The following IL7 variants were observed in gnomAD, a reference collection of about 807,000 sequenced individuals.
IL7 encodes the protein interleukin 7.
In IL7, 3 loss-of-function variants were observed where a neutral mutation model predicts 21.6. The observed-to-expected ratio is 0.14, with a 90% CI of 0.06 to 0.36. IL7 has a LOEUF of 0.36. Ranked by LOEUF, IL7 falls within the 10% of genes least tolerant of loss-of-function variation. The pLI, the probability that IL7 is intolerant of heterozygous loss-of-function variation, is 1.00. For synonymous variants in IL7, 62 were observed against 68.1 expected, an observed-to-expected ratio of 0.91 and a Z score of 0.44; for missense variants, 175 against 200.2, an observed-to-expected ratio of 0.87 and a Z score of 0.76.
At chr8:78,717,834 G>C (rs1236957392), downstream of IL7, 1 of 164,024 alleles carries the variant, frequency 6.1e-6, no homozygotes, top group Non-Finnish European at 1.3e-5. Context: ...ATACTCTAGT[G>C]CTTAGCCCTT....
chr8:78,728,776 A>G (rs1811376256), downstream of IL7, among the ~76,000 whole-genome samples: 1 of 151,926 alleles, frequency 6.6e-6, no homozygotes, highest in Non-Finnish European at 1.5e-5. Context: ...CAGACCAGGG[A>G]TGTCACTAAA....
At position 78,736,520 on chromosome 8, in the gene IL7, C is replaced by T. The variant is rs1563413800; in HGVS notation, c.368G>A (p.Gly123Glu). ...ILLNCTGQVK[G>E]RKPAALGEAQ... ...TTCACCCAGGGCAGCTGGTTTTCTTCCTTTAACCTTAAAAACAAAGTCACA... is the reference window on the plus strand; with the variant it reads ...TTCACCCAGGGCAGCTGGTTTTCTTTCTTTAACCTTAAAAACAAAGTCACA... Residue 123 changes from glycine to glutamate, a missense_variant, in exon 5 of 6, where the codon GGA (glycine) becomes GAA (glutamate). Coordinates refer to ENST00000263851, the MANE Select transcript of IL7 (RefSeq NM_000880.4). The T allele has an allele frequency of 6.3e-7, 1 of 1,595,122 alleles. No individual in the cohort carries two copies.
chr8:78,737,140 A>G (rs1401396088), intron 4 of IL7, among the ~76,000 whole-genome samples: 1 of 152,146 alleles, frequency 6.6e-6, no homozygotes, highest in Non-Finnish European at 1.5e-5. Context: ...GATCCATATA[A>G]AGCTCAATAC....
chr8:78,686,617 A>G, intron 3 of IL7: 1 of 1,468,280 alleles, frequency 6.8e-7, no homozygotes, highest in South Asian at 1.6e-5. Flanking sequence ...TGGTATTTGG[A>G]ATATTGTTGA....
chr8:78,687,532 ATATT>A (rs1005924231), intron 3 of IL7, among the ~76,000 whole-genome samples: 4 of 143,976 alleles, frequency 2.8e-5, no homozygotes, highest in East Asian at 3.9e-4. Flanking sequence ...AATAAATTAT[ATATT>A]TATATAATAA....
intron 3 of IL7, among the ~76,000 whole-genome samples, chr8:78,699,454 A>C (rs541777399): frequency 2.0e-5 from 3 of 152,088 alleles, no homozygotes; most frequent in African/African-American, 7.2e-5. Flanking sequence ...TACAGCACAC[A>C]TTATTTTCTT....
At chr8:78,751,445 C>T (rs1182579170) in intron 2 of IL7, among the ~76,000 whole-genome samples, 1 of 152,028 alleles carries the variant, frequency 6.6e-6, no homozygotes, top group Non-Finnish European at 1.5e-5. Flanking sequence ...CTCAGACAAA[C>T]AAAAATTGAG....
chr8:78,687,514 A>G (rs1004371806), intron 3 of IL7, among the ~76,000 whole-genome samples: 6 of 142,414 alleles, frequency 4.2e-5, no homozygotes, highest in Admixed American at 1.4e-4. Context: ...AATTATATAT[A>G]TTTATATAAT....
intron 3 of IL7, among the ~76,000 whole-genome samples, chr8:78,708,713 TC>T (rs1810862698): frequency 6.7e-6 from 1 of 150,348 alleles, no homozygotes; most frequent in East Asian, 2.0e-4. Flanking sequence ...GGAGTTTTGC[TC>T]TTGTTGCCCA....
intron 3 of IL7, chr8:78,712,071 T>A: frequency 7.8e-7 from 1 of 1,289,598 alleles, no homozygotes; most frequent in Non-Finnish European, 1.0e-6. Flanking sequence ...AATCAGACAG[T>A]GCCATCAAAA....
chr8:78,712,236 G>A (rs1810974866), intron 3 of IL7: 2 of 396,182 alleles, frequency 5.0e-6, no homozygotes, highest in South Asian at 2.4e-5. Flanking sequence ...AAGCCAAAAT[G>A]TGTCAAATAA....
chr8:78,761,016 A>C, intron 2 of IL7: 2 of 1,611,942 alleles, frequency 1.2e-6, no homozygotes, highest in Non-Finnish European at 1.7e-6. Flanking sequence ...ACTGCACTGC[A>C]GAGTACAAAT....
chr8:78,796,101 T>C (rs1433405519), intron 2 of IL7, among the ~76,000 whole-genome samples: 2 of 152,072 alleles, frequency 1.3e-5, no homozygotes, highest in African/African-American at 2.4e-5. Context: ...ATCAATCACA[T>C]TGTATTGATA....
At chr8:78,772,539 A>G (rs1227644841) in intron 2 of IL7, among the ~76,000 whole-genome samples, 8 of 152,162 alleles carry the variant, frequency 5.3e-5, no homozygotes, top group Admixed American at 5.2e-4. Context: ...TTGACCTTAA[A>G]TGGCACAGTA....
chr8:78,771,701 A>G (rs1812960292), intron 2 of IL7, among the ~76,000 whole-genome samples: 1 of 152,150 alleles, frequency 6.6e-6, no homozygotes, highest in Admixed American at 6.5e-5. Flanking sequence ...TCTACTAATT[A>G]TACATGAAAG....
At position 78,805,365 on chromosome 8, in the gene IL7, T is replaced by G. The variant is rs1258744376; in HGVS notation, c.-443A>C. 1 of 157,038 alleles carries G rather than the reference T, an allele frequency of 6.4e-6. No homozygotes were observed. The highest frequency in any genetic ancestry group is 1.4e-5 in the Non-Finnish European group (1 of 71,188). The allele number at this position is 157,038 out of a possible 1,614,324, so 9.7% of individuals were successfully genotyped here. On this transcript the variant is annotated 5_prime_UTR_variant, in exon 1 of 6. Transcript: ENST00000263851. ...TGGCCTGAATCAAAGCAATTCTGGG[T>G]AAAAGACTTCCCAGATGATCTCTCA... is the stretch of plus-strand genomic sequence containing the variant.
chr8:78,782,819 G>A (rs998341119), intron 2 of IL7, among the ~76,000 whole-genome samples: 8 of 152,064 alleles, frequency 5.3e-5, no homozygotes, highest in Non-Finnish European at 1.0e-4. Flanking sequence ...GACAACAGCC[G>A]CTCCTCCCCC....
intron 2 of IL7, among the ~76,000 whole-genome samples, chr8:78,786,817 C>A (rs1426777174): frequency 6.6e-6 from 1 of 152,116 alleles, no homozygotes; most frequent in Non-Finnish European, 1.5e-5. Flanking sequence ...TAGGCAGCCC[C>A]CAGCTCCAGC....
intron 2 of IL7, among the ~76,000 whole-genome samples, chr8:78,752,264 G>C (rs1812200210): frequency 6.6e-6 from 1 of 152,036 alleles, no homozygotes. Context: ...TTAATAGACT[G>C]ATTTCCTTTC....
Sources: gnomAD v4.1 joint callset for allele counts (sites outside exome capture counted in the v4.1 genomes callset) on GRCh38, gnomAD v4.1.1 for gene constraint, MANE v1.5 for transcripts, NCBI Gene and HGNC (gene_info 2026-07-23, HGNC 2026-07-21) for gene names.